Variants in ZNF324B observed in about 807,000 individuals in gnomAD.
ZNF324B encodes zinc finger protein 324B.
In ZNF324B, 7 loss-of-function variants were observed where a neutral mutation model predicts 10.6. That is an observed-to-expected ratio of 0.66 (90% CI 0.38 to 1.24). The LOEUF (loss-of-function observed/expected upper bound fraction) is 1.24. Ranked by LOEUF, ZNF324B falls within the 50% of genes most tolerant of loss-of-function variation. The pLI, the probability that ZNF324B is intolerant of heterozygous loss-of-function variation, is 0.02. For missense variants in ZNF324B, 640 were observed against 764.7 expected (o/e 0.84, Z 1.92); for synonymous variants, 316 against 321.0 (o/e 0.98, Z 0.17).
In ZNF324B at chr19:58,456,343, G is replaced by A. The variant is rs2052921694; in HGVS notation, c.1399G>A (p.Val467Met). The change falls in exon 4 of 4, where the codon GTG becomes ATG. Residue 467 changes from valine to methionine, a missense_variant. Val to Met is a conservative substitution (Grantham distance 21). Coordinates refer to ENST00000336614, the MANE Select transcript of ZNF324B (RefSeq NM_207395.3). This position sits in a 1 kb window ranked among gnomAD's most constrained non-coding sequence, Gnocchi z 4.7. ...TGGCAAGGGTTTCGCCAAGGGCGCC[G>A]TGCTGCTCAGCCACCGGCGCATTCA... ...DCGKGFAKGA[V>M]LLSHRRIHTG... 2.5e-6 allele frequency: 4 copies of A among 1,612,362 alleles called. No individual in the cohort carries two copies. In the East Asian group the frequency reaches 6.7e-5, roughly 27 times the overall value.
the ZNF324B span, among the ~76,000 whole-genome samples, chr19:58,423,813 G>GA: frequency 2.4e-4 from 37 of 151,986 alleles, no homozygotes; most frequent in Non-Finnish European, 1.6e-4. Context: ...CATACATTGG[G>GA]AAAGGATACC....
the ZNF324B span, among the ~76,000 whole-genome samples, chr19:58,432,017 C>G: frequency 6.6e-6 from 1 of 152,058 alleles, no homozygotes; most frequent in Non-Finnish European, 1.5e-5. Context: ...TGCCAAACAC[C>G]ATATTCTACA....
chr19:58,437,447 A>G, the ZNF324B span, among the ~76,000 whole-genome samples: 2 of 152,046 alleles, frequency 1.3e-5, no homozygotes, highest in African/African-American at 2.4e-5. Context: ...ATCCAGGCCA[A>G]CCCAACCTAG....
the ZNF324B span, chr19:58,439,736 G>T: frequency 1.3e-6 from 2 of 1,510,622 alleles, no homozygotes; most frequent in Non-Finnish European, 1.8e-6. Flanking sequence ...AGCGGGTGAG[G>T]GCCTGGGGCA....
At chr19:58,427,468 T>TC in the ZNF324B span, among the ~76,000 whole-genome samples, 6 of 102,896 alleles carry the variant, frequency 5.8e-5, no homozygotes, top group Non-Finnish European at 1.2e-4. Context: ...CTTCCTTCCT[T>TC]CCTTCCTTCC....
chr19:58,424,426 G>C, the ZNF324B span, among the ~76,000 whole-genome samples: 1 of 152,110 alleles, frequency 6.6e-6, no homozygotes, highest in African/African-American at 2.4e-5. Flanking sequence ...CAAAAGATCT[G>C]AACAAATATG....
the ZNF324B span, among the ~76,000 whole-genome samples, chr19:58,419,948 G>A: frequency 6.6e-6 from 1 of 152,110 alleles, no homozygotes; most frequent in Admixed American, 6.6e-5. Context: ...GAGTAGCAGC[G>A]ACTACAGTTA....
chr19:58,446,017 C>G, the ZNF324B span, among the ~76,000 whole-genome samples: 2 of 152,184 alleles, frequency 1.3e-5, no homozygotes, highest in Admixed American at 1.3e-4. Context: ...CACCTGTAAT[C>G]CCAGTTACTC....
rs749011489 is a variant in ZNF324B, at chr19:58,456,503, G to A, written c.1559G>A (p.Gly520Asp). ...GCACCAGACTGCACCCCGGGGCCAGGTTTCCTTCAGGGACATCATCGGAAG... is the reference window on the plus strand; with the variant it reads ...GCACCAGACTGCACCCCGGGGCCAGATTTCCTTCAGGGACATCATCGGAAG... ...AAAPDCTPGP[G>D]FLQGHHRKVR... Residue 520 changes from glycine to aspartate, a missense_variant, in exon 4 of 4, where the codon GGT (glycine) becomes GAT (aspartate). Gly to Asp is a moderately conservative substitution (Grantham distance 94). Around this residue, in one of 3 missense-constraint regions of ZNF324B, gnomAD observed 238 missense variants for 258.0 expected, o/e 0.92. Coordinates refer to ENST00000336614, the MANE Select transcript of ZNF324B (RefSeq NM_207395.3). The surrounding 1 kb of genome is among the most constrained non-coding windows in gnomAD (Gnocchi z 4.7). The A allele has an allele frequency of 1.2e-5, 20 of 1,614,220 alleles. No individual in the cohort carries two copies. Among genetic ancestry groups the A allele is most frequent in the Non-Finnish European group, 1.6e-5 (19 of 1,180,032 alleles).
chr19:58,451,784 G>A (rs1281877660), intron 1 of ZNF324B, 80 bp downstream of exon 1: 9 of 314,738 alleles, frequency 2.9e-5, no homozygotes, highest in Non-Finnish European at 5.5e-5. Context: ...GGGCGGTCGG[G>A]CCCCGGCGGG....
chr19:58,451,068 C>T (rs1417766169), upstream of ZNF324B, among the ~76,000 whole-genome samples: 2 of 152,182 alleles, frequency 1.3e-5, no homozygotes, highest in African/African-American at 2.4e-5. Context: ...CGGGTAGTGT[C>T]ATTACAGGCT....
the ZNF324B span, among the ~76,000 whole-genome samples, chr19:58,426,842 G>A: frequency 6.6e-6 from 1 of 152,224 alleles, no homozygotes; most frequent in African/African-American, 2.4e-5. Context: ...AGGGTAGTCA[G>A]TACACTGCAT....
In ZNF324B at chr19:58,455,721, C is replaced by T. The variant is rs1234725842; in HGVS notation, c.777C>T (p.Cys259=). The change falls in exon 4 of 4, where the codon TGC becomes TGT. Residue 259 remains cysteine (C), a synonymous_variant. Transcript: ENST00000336614. This position sits in a 1 kb window ranked among gnomAD's most constrained non-coding sequence, Gnocchi z 7.0. ...ACGCTGGGGAGAAGTCCTTCGAATG[C>T]AGGGCGTGCAGCAAAGTGTTCGTGA... ...ALHAGEKSFE[C]RACSKVFVKS... 2 of 1,613,620 alleles carry T rather than the reference C, an allele frequency of 1.2e-6. No homozygotes were observed. Among genetic ancestry groups the T allele is most frequent in the Non-Finnish European group, 1.7e-6 (2 of 1,179,940 alleles).
At chr19:58,434,133 T>A in the ZNF324B span, 2 of 1,612,288 alleles carry the variant, frequency 1.2e-6, no homozygotes, top group Admixed American at 3.3e-5. Flanking sequence ...TAAAAGCTCT[T>A]CCACATTCAC....
In ZNF324B at chr19:58,455,292, C is replaced by A. The variant is rs764082442; in HGVS notation, c.348C>A (p.Cys116Ter). Reference sequence around the variant, plus strand: ...GCGTCTTCCCAGTTGCCGATGCCTGCCACAGTGTAAAAAGCCTGCAGCGAC... The same window carrying A: ...GCGTCTTCCCAGTTGCCGATGCCTGACACAGTGTAAAAAGCCTGCAGCGAC... ...TTSVFPVADACHSVKSLQRQP... is the reference protein window; with the variant it reads ...TTSVFPVADA The change falls in exon 4 of 4, where the codon TGC becomes TGA. Residue 116 changes from cysteine (C) to a stop codon, truncating the protein, a stop_gained. Transcript: ENST00000336614. LOFTEE classifies it low-confidence loss of function (END_TRUNC). This position sits in a 1 kb window ranked among gnomAD's most constrained non-coding sequence, Gnocchi z 7.0. 1.2e-6 allele frequency: 2 copies of A among 1,614,222 alleles called. No individual in the cohort carries two copies. The highest frequency in any genetic ancestry group is 3.3e-5 in the Admixed American group (2 of 60,026).
In ZNF324B at chr19:58,454,256, C is replaced by T. The variant is rs371780319; in HGVS notation, c.150C>T (p.Val50=). 1.9e-6 allele frequency: 3 copies of T among 1,613,966 alleles called. No individual in the cohort carries two copies. The African/African-American group carries it at 4.0e-5, about 22-fold the overall frequency. ...TCTCTACCTCCCGACCTCGTGTGGT[C>T]ATTCAACTTGAGCGTGGCGAGGAGC... ...LGLSTSRPRV[V]IQLERGEEPW... Residue 50 remains valine (V), a synonymous_variant, in exon 3 of 4, where the codon GTC becomes GTT. Transcript: ENST00000336614.
chr19:58,419,399 A>G, the ZNF324B span: 1 of 152,202 alleles, frequency 6.6e-6, no homozygotes. Context: ...GTAAGTGGGC[A>G]TAGAAATATT....
At position 58,456,343 on chromosome 19, in the gene ZNF324B, G is replaced by C; in HGVS notation, c.1399G>C (p.Val467Leu). 1.9e-6 allele frequency: 3 copies of C among 1,612,480 alleles called. No homozygotes were observed. The highest frequency in any genetic ancestry group is 1.1e-5 in the South Asian group (1 of 91,046). The change falls in exon 4 of 4, where the codon GTG becomes CTG. Residue 467 changes from valine to leucine, a missense_variant. Physicochemically the swap from Val to Leu is conservative, Grantham distance 32. Coordinates refer to ENST00000336614, the MANE Select transcript of ZNF324B (RefSeq NM_207395.3). This position sits in a 1 kb window ranked among gnomAD's most constrained non-coding sequence, Gnocchi z 4.7. ...TGGCAAGGGTTTCGCCAAGGGCGCC[G>C]TGCTGCTCAGCCACCGGCGCATTCA... ...DCGKGFAKGA[V>L]LLSHRRIHTG...
At chr19:58,432,093 G>A in the ZNF324B span, among the ~76,000 whole-genome samples, 61 of 152,208 alleles carry the variant, frequency 4.0e-4, no homozygotes, top group East Asian at 9.8e-3. Flanking sequence ...GCCCCCATCT[G>A]CCTGTGCCCA....
Sources: allele counts gnomAD v4.1 joint callset (sites outside exome capture counted in the v4.1 genomes callset), GRCh38; gene constraint gnomAD v4.1.1; regional missense constraint gnomAD v4.1.1; non-coding constraint Gnocchi (gnomAD v3.1); transcripts MANE v1.5; gene names NCBI Gene and HGNC (gene_info 2026-07-23, HGNC 2026-07-21).